GET4: variants seen among roughly 807,000 people sequenced by gnomAD.
The protein encoded by GET4 is guided entry of tail-anchored proteins factor 4, also known as Golgi to ER traffic protein 4 homolog.
A neutral mutation model predicts 40.0 loss-of-function variants in GET4; 20 were observed. The observed-to-expected ratio is 0.50, with a 90% CI of 0.35 to 0.73. The LOEUF is 0.73. Among genes scored for constraint, GET4 ranks in the 30% least tolerant of loss-of-function variants. The pLI is 0.01. For missense variants in GET4, 557 were observed against 454.0 expected (o/e 1.23, Z -2.06); for synonymous variants, 280 against 194.6 (o/e 1.44, Z -3.65).
chr7:892,557 AG>A (rs1844351330), intron 6 of GET4, 139 bp downstream of exon 6: 6 of 821,500 alleles, frequency 7.3e-6, no homozygotes, highest in Admixed American at 2.4e-5. Flanking sequence ...ATAGGGTATG[AG>A]TGCTGGGTGT....
intron 5 of GET4, among the ~76,000 whole-genome samples, chr7:891,547 G>A (rs1224917432): frequency 2.0e-5 from 3 of 152,088 alleles, no homozygotes; most frequent in Admixed American, 6.5e-5. Context: ...CCGCCAGCTC[G>A]CTGGGGCGTC....
intron 1 of GET4, chr7:881,581 A>G (rs1357661242): frequency 6.6e-6 from 1 of 152,088 alleles, no homozygotes; most frequent in East Asian, 1.9e-4. Flanking sequence ...TGTCGGGTAA[A>G]TTTACCAAAA....
At chr7:879,175 CTT>C (rs1844033979) in intron 1 of GET4, among the ~76,000 whole-genome samples, 1 of 152,222 alleles carries the variant, frequency 6.6e-6, no homozygotes. Flanking sequence ...GGAGGTGCCA[CTT>C]TGGTTGTAGT....
intron 4 of GET4, among the ~76,000 whole-genome samples, chr7:889,411 G>C (rs1377264014): frequency 6.6e-6 from 1 of 152,258 alleles, no homozygotes; most frequent in East Asian, 1.9e-4. Flanking sequence ...CCCTCCTGGG[G>C]ATGAAATCAC....
chr7:887,061 G>T, intron 3 of GET4: 1 of 594,610 alleles, frequency 1.7e-6, no homozygotes. Flanking sequence ...TCTGGGAGAT[G>T]CCCCGGGCCA....
In GET4 at chr7:887,342, C is replaced by T. The variant is rs776123280; in HGVS notation, c.317-28C>T. On this transcript the variant is annotated intron_variant, in intron 3 of 8. Coordinates refer to ENST00000265857, the MANE Select transcript of GET4 (RefSeq NM_015949.3). ...AGAGAGCCGGAGTGGCCGTGCGTTC[C>T]TCTGATGAGGGTCTGTGCTGTTTGC... 4 of 1,567,132 alleles carry T rather than the reference C, an allele frequency of 2.6e-6. No individual in the cohort carries two copies. The South Asian group carries it at 3.5e-5, about 14-fold the overall frequency.
chr7:883,082 G>A (rs899106232), intron 1 of GET4: 4 of 152,238 alleles, frequency 2.6e-5, no homozygotes, highest in Non-Finnish European at 5.9e-5. Flanking sequence ...CCCTAGCCCA[G>A]GGCCTAAGAG....
chr7:895,425 TG>T lies in GET4; in HGVS notation c.*5del. The T allele has an allele frequency of 6.6e-7, 1 of 1,521,316 alleles. No individual in the cohort carries two copies. Among genetic ancestry groups the T allele is most frequent in the Non-Finnish European group, 9.1e-7 (1 of 1,099,452 alleles). The allele number at this position is 1,521,316 out of a possible 1,614,324, so 94.2% of individuals were successfully genotyped here. On this transcript the variant is annotated 3_prime_UTR_variant, in exon 9 of 9. Transcript: ENST00000265857. The stretch of plus-strand genomic sequence containing the variant: ...GCAGCCCCATCGAGCTGGACTGAAC[TG>T]GCCAGGCCACGTGGAGACACCACGG...
chr7:877,995 C>T (rs1029612635), intron 1 of GET4: 3 of 213,276 alleles, frequency 1.4e-5, no homozygotes, highest in Non-Finnish European at 2.9e-5. Context: ...GGTTCTCCAG[C>T]CGGGCCCTAC....
intron 5 of GET4, 117 bp from the exon 6 acceptor site, chr7:892,161 T>C (rs1844338972): frequency 2.9e-6 from 3 of 1,019,318 alleles, no homozygotes; most frequent in Middle Eastern, 5.3e-4. Flanking sequence ...TCCATGGCCT[T>C]GGGCCGCAGG....
intron 1 of GET4, chr7:878,308 G>A (rs1256649613): frequency 2.1e-6 from 1 of 471,040 alleles, no homozygotes; most frequent in African/African-American, 2.0e-5. Context: ...TACAGTTACT[G>A]CAGAATGTTC....
intron 3 of GET4, chr7:887,083 C>T (rs1433860113): frequency 6.4e-6 from 4 of 626,044 alleles, no homozygotes; most frequent in Non-Finnish European, 1.2e-5. Context: ...AGCCAGGTAC[C>T]CAGAGCGGCC....
chr7:889,526 T>C (rs1367333970), intron 4 of GET4, among the ~76,000 whole-genome samples: 4 of 151,824 alleles, frequency 2.6e-5, no homozygotes, highest in African/African-American at 4.8e-5. Flanking sequence ...TGGAGGCTCC[T>C]GTTGGGCAGC....
rs924327768 is a variant in GET4, at chr7:883,707, G to GC, written c.156-2343dup. ...GGAGAAGGCCCGGCCATGCCCAGCT[G>GC]CCCCCCACTCTCCCCGGCCTCGGGC... On this transcript the variant is annotated intron_variant, in intron 1 of 8. Transcript: ENST00000265857. The GC allele has an allele frequency of 1.0e-5, 10 of 985,844 alleles. No individual in the cohort carries two copies. In the African/African-American group the frequency reaches 1.7e-4, roughly 17 times the overall value. 61.1% of individuals were successfully genotyped at this position (985,844 alleles called of 1,614,324 possible).
intron 1 of GET4, among the ~76,000 whole-genome samples, chr7:878,793 C>G (rs1443962377): frequency 1.3e-5 from 2 of 152,168 alleles, no homozygotes. Flanking sequence ...GTTGGCCAGG[C>G]TGGTCTCGAA....
intron 5 of GET4, 43 bp downstream of exon 5, chr7:891,109 CTTGG>C: frequency 1.3e-6 from 2 of 1,524,080 alleles, no homozygotes; most frequent in Non-Finnish European, 1.8e-6. Flanking sequence ...CCATTGCTGC[CTTGG>C]CTGGGCAGCC....
intron 4 of GET4, among the ~76,000 whole-genome samples, chr7:890,668 A>G (rs993286548): frequency 2.0e-5 from 3 of 152,138 alleles, no homozygotes; most frequent in African/African-American, 7.2e-5. Context: ...GTGCAGTTGG[A>G]TTAAGCAGCT....
intron 3 of GET4, 176 bp from the exon 4 acceptor site, chr7:887,194 G>T: frequency 1.3e-6 from 1 of 775,512 alleles, no homozygotes; most frequent in South Asian, 1.4e-5. Context: ...GGGGCACATG[G>T]CGCTGGAACT....
At chr7:878,714 G>A (rs1844020260) in intron 1 of GET4, among the ~76,000 whole-genome samples, 2 of 151,872 alleles carry the variant, frequency 1.3e-5, no homozygotes. Context: ...CTGAGTAGCT[G>A]GAATTACTGG....
Sources: gnomAD v4.1 joint callset for allele counts (sites outside exome capture counted in the v4.1 genomes callset) on GRCh38, gnomAD v4.1.1 for gene constraint, MANE v1.5 for transcripts, NCBI Gene and HGNC (gene_info 2026-07-23, HGNC 2026-07-21) for gene names.